Variants in TUBGCP5 observed in about 807,000 individuals in gnomAD.
TUBGCP5 encodes the protein gamma-tubulin complex component 5.
In TUBGCP5, 98 loss-of-function variants were observed where a neutral mutation model predicts 134.7. The observed-to-expected ratio is 0.73, with a 90% CI of 0.62 to 0.86. The LOEUF is 0.86. Among genes scored for constraint, TUBGCP5 ranks in the 40% least tolerant of loss-of-function variants. The pLI is 0.00. For synonymous variants in TUBGCP5, 456 were observed against 431.4 expected (o/e 1.06, Z -0.71); for missense variants, 1,150 against 1,244.8 (o/e 0.92, Z 1.15).
intron 19 of TUBGCP5, among the ~76,000 whole-genome samples, chr15:23,004,860 G>C (rs942237729): frequency 1.3e-5 from 2 of 152,092 alleles, no homozygotes; most frequent in African/African-American, 4.8e-5. Context: ...TCACAGACCA[G>C]GTATAAACAG....
intron 11 of TUBGCP5, among the ~76,000 whole-genome samples, chr15:23,020,348 A>G (rs1442052738): frequency 6.6e-6 from 1 of 152,068 alleles, no homozygotes; most frequent in African/African-American, 2.4e-5. Flanking sequence ...CAGAGGTTGC[A>G]GTGAGCCAAG....
chr15:23,026,149 A>G lies in TUBGCP5; in HGVS notation c.794T>C (p.Val265Ala). The change falls in exon 8 of 23, where the codon GTT (valine) becomes GCT (alanine). Residue 265 changes from valine (V) to alanine (A), a missense_variant. This residue lies in a region of TUBGCP5 where 453 missense variants were observed against 394.7 expected (regional missense o/e 1.15). Coordinates refer to ENST00000615383, the MANE Select transcript of TUBGCP5 (RefSeq NM_052903.6). ...PLYVPDDRVL[V>A]TETQVIRETL... is the part of the protein sequence containing the mutation. ...TTCCCGAATAACCTGAGTCTCAGTA[A>G]CCAAAACCCTGTCATCTGGAACATA... is the stretch of plus-strand genomic sequence containing the variant. The G allele has an allele frequency of 6.2e-7, 1 of 1,610,726 alleles. No individual in the cohort carries two copies. The highest frequency in any genetic ancestry group is 8.5e-7 in the Non-Finnish European group (1 of 1,179,202).
chr15:23,024,031 G>C lies in TUBGCP5; in HGVS notation c.1084C>G (p.Gln362Glu). The C allele has an allele frequency of 6.2e-6, 10 of 1,614,104 alleles. No individual in the cohort carries two copies. The highest frequency in any genetic ancestry group is 8.5e-6 in the Non-Finnish European group (10 of 1,180,004). Residue 362 changes from glutamine to glutamate, a missense_variant, in exon 10 of 23, where the codon CAG becomes GAG. Gln to Glu is a conservative substitution (Grantham distance 29, BLOSUM62 2). Coordinates refer to ENST00000615383, the MANE Select transcript of TUBGCP5 (RefSeq NM_052903.6). Reference sequence around the variant, plus strand: ...TTGTACAGGGCCCACATGAAAGCCTGGTAGGTTCTAAAGGGAGCTTCAGTT... The same window carrying C: ...TTGTACAGGGCCCACATGAAAGCCTCGTAGGTTCTAAAGGGAGCTTCAGTT... ...KSTEAPFRTYQAFMWALYKYF... is the reference protein window; with the variant it reads ...KSTEAPFRTYEAFMWALYKYF...
rs186706557 is a variant in TUBGCP5, at chr15:22,987,820, C to T, written c.*62-4209G>A. ...CTGAGGTGGGAGAATGGCATGAACCCGGGAGGCAGAGTTTGCAGTGAGCCG... is the reference window on the plus strand; with the variant it reads ...CTGAGGTGGGAGAATGGCATGAACCTGGGAGGCAGAGTTTGCAGTGAGCCG... On this transcript the variant is annotated intron_variant and NMD_transcript_variant, in intron 23 of 23. Transcript: ENST00000614508. 3.7e-4 allele frequency among the ~76,000 whole-genome samples: 51 copies of T among 138,692 alleles called. 2 individuals are homozygous for T. In the East Asian group the frequency reaches 0.01, roughly 27 times the overall value. The allele number at this position is 138,692 out of a possible 152,430, so 91.0% of individuals were successfully genotyped here.
At chr15:23,007,102 G>A (rs992018638) in intron 16 of TUBGCP5, among the ~76,000 whole-genome samples, 3 of 152,112 alleles carry the variant, frequency 2.0e-5, no homozygotes, top group Non-Finnish European at 4.4e-5. Flanking sequence ...CCATGACACA[G>A]GCACTAGTCA....
At chr15:22,990,272 T>C (rs1253899002) in intron 23 of TUBGCP5, among the ~76,000 whole-genome samples, 1 of 148,402 alleles carries the variant, frequency 6.7e-6, no homozygotes, top group East Asian at 2.0e-4. Context: ...CTCTTCCATC[T>C]CTCTCCTCCT....
At chr15:23,002,071 A>C (rs945549622) in intron 21 of TUBGCP5, among the ~76,000 whole-genome samples, 4 of 149,122 alleles carry the variant, frequency 2.7e-5, no homozygotes, top group African/African-American at 5.0e-5. Flanking sequence ...TGTAAAAAAA[A>C]CCTGAAAGAG....
chr15:23,002,730 C>A (rs2064460585), intron 21 of TUBGCP5, among the ~76,000 whole-genome samples: 1 of 152,208 alleles, frequency 6.6e-6, no homozygotes, highest in Non-Finnish European at 1.5e-5. Flanking sequence ...GTGTTCACAA[C>A]ACTGTCTTTG....
intron 13 of TUBGCP5, among the ~76,000 whole-genome samples, chr15:23,014,009 A>G (rs1024060847): frequency 2.0e-5 from 3 of 152,052 alleles, no homozygotes; most frequent in Non-Finnish European, 4.4e-5. Flanking sequence ...CAGCAGAAAA[A>G]CCAGCCCCTG....
chr15:22,999,909 T>C (rs1437136521), intron 22 of TUBGCP5, 43 bp from the exon 23 acceptor site: 20 of 1,602,904 alleles, frequency 1.2e-5, no homozygotes, highest in Admixed American at 3.4e-5. Flanking sequence ...TAGGTTTAAA[T>C]GTTGAAAAAA....
At chr15:22,990,555 A>G (rs1296555005) in intron 23 of TUBGCP5, among the ~76,000 whole-genome samples, 1 of 152,208 alleles carries the variant, frequency 6.6e-6, no homozygotes, top group East Asian at 1.9e-4. Context: ...GAAACACAGC[A>G]TGCATTTTTG....
At chr15:22,990,155 C>T (rs1014078809) in intron 23 of TUBGCP5, among the ~76,000 whole-genome samples, 12 of 152,144 alleles carry the variant, frequency 7.9e-5, no homozygotes, top group African/African-American at 2.9e-4. Flanking sequence ...CTAGGGACAT[C>T]CCGAGAGGTG....
At chr15:22,995,385 G>GTCCGGC (rs1228296547), downstream of TUBGCP5, among the ~76,000 whole-genome samples, 20 of 151,970 alleles carry the variant, frequency 1.3e-4, no homozygotes, top group African/African-American at 4.8e-4. Flanking sequence ...CCATACTGGT[G>GTCCGGC]TCCGGCTCCA....
intron 13 of TUBGCP5, 51 bp from the exon 14 acceptor site, chr15:23,011,382 T>G: frequency 7.6e-7 from 1 of 1,315,656 alleles, no homozygotes; most frequent in Non-Finnish European, 1.1e-6. Context: ...TTAATCATAT[T>G]AAGTAACATT....
rs571111752 is a variant in TUBGCP5 at position 23,036,186 on chromosome 15, T to C, written c.309+711A>G. Reference sequence around the variant, plus strand: ...CAGACTCAGCAGCTAAGGTCAGCCATGTGGGCTCTGCTTGCTTATGTGACC... The same window carrying C: ...CAGACTCAGCAGCTAAGGTCAGCCACGTGGGCTCTGCTTGCTTATGTGACC... On this transcript the variant is annotated intron_variant, in intron 3 of 22. Coordinates refer to ENST00000615383, the MANE Select transcript of TUBGCP5 (RefSeq NM_052903.6). 2.9e-3 allele frequency among the ~76,000 whole-genome samples: 441 copies of C among 152,284 alleles called. 4 individuals are homozygous for C. Among genetic ancestry groups the C allele is most frequent in the Middle Eastern group, 0.017 (5 of 294 alleles).
intron 11 of TUBGCP5, 108 bp from the exon 12 acceptor site, chr15:23,019,442 T>C (rs2065534896): frequency 5.5e-6 from 4 of 729,382 alleles, no homozygotes; most frequent in Admixed American, 4.9e-5. Context: ...CGGATTTCTA[T>C]GTTTTTTGGG....
chr15:22,997,829 G>C (rs1253659017), downstream of TUBGCP5, among the ~76,000 whole-genome samples: 1 of 150,396 alleles, frequency 6.6e-6, no homozygotes, highest in African/African-American at 2.4e-5. Context: ...CATTGGTCAG[G>C]CTGGTCTCGA....
intron 14 of TUBGCP5, among the ~76,000 whole-genome samples, chr15:23,010,688 T>G (rs780717364): frequency 1.3e-5 from 2 of 152,044 alleles, no homozygotes; most frequent in African/African-American, 2.4e-5. Flanking sequence ...CTGCTTGTTA[T>G]AAAGGATAGG....
chr15:23,009,382 C>T (rs1053165388), intron 15 of TUBGCP5, among the ~76,000 whole-genome samples: 8 of 151,886 alleles, frequency 5.3e-5, no homozygotes, highest in African/African-American at 1.5e-4. Context: ...CATTCTCCTG[C>T]CCCAGCCTCC....
Sources: gnomAD v4.1 joint callset for allele counts (sites outside exome capture counted in the v4.1 genomes callset) on GRCh38, gnomAD v4.1.1 for gene constraint, gnomAD v4.1.1 regional missense constraint, MANE v1.5 for transcripts, NCBI Gene and HGNC (gene_info 2026-07-23, HGNC 2026-07-21) for gene names.